The following DAPK3 variants were observed in gnomAD, a reference collection of about 807,000 sequenced individuals.
DAPK3 encodes the protein death-associated protein kinase 3.
A neutral mutation model predicts 30.6 loss-of-function variants in DAPK3; 24 were observed. The observed-to-expected ratio is 0.78, with a 90% CI of 0.57 to 1.10. The LOEUF is 1.10. Among genes scored for constraint, DAPK3 ranks in the 50% least tolerant of loss-of-function variants. The probability of loss-of-function intolerance (pLI) is 0.00; values close to 1 mark genes in which losing one functional copy is unlikely to be tolerated. For missense variants in DAPK3, 629 were observed against 657.3 expected (o/e 0.96, Z 0.47); for synonymous variants, 341 against 284.0 (o/e 1.20, Z -2.02).
Position 3,960,100 on chromosome 19 carries a change from TC to T in DAPK3, c.786del (p.Arg263GlufsTer2). ...IRRLLVKDPK[R>X]RMTIAQSLEH... ...TCCAGGCTCTGGGCAATGGTCATTC[TC>T]CGCCTGGAAGACCCCCGCTCTGGTT... is the stretch of plus-strand genomic sequence containing the variant. On this transcript the variant is annotated frameshift_variant, in exon 8 of 9. Coordinates refer to ENST00000545797, the MANE Select transcript of DAPK3 (RefSeq NM_001348.3). LOFTEE classifies it low-confidence loss of function (END_TRUNC). The T allele has an allele frequency of 6.4e-7, 1 of 1,554,122 alleles. No homozygotes were observed. The highest frequency in any genetic ancestry group is 8.9e-7 in the Non-Finnish European group (1 of 1,125,734).
intron 2 of DAPK3, among the ~76,000 whole-genome samples, chr19:3,965,655 T>TA (rs1253515658): frequency 3.5e-5 from 1 of 28,280 alleles, no homozygotes; most frequent in Non-Finnish European, 5.9e-5. Flanking sequence ...CCAGATCCGC[T>TA]TTTTTTGTTT....
At chr19:3,964,529 C>A (rs1192575611) in intron 3 of DAPK3, 102 bp downstream of exon 3, 23 of 1,361,202 alleles carry the variant, frequency 1.7e-5, no homozygotes, top group Non-Finnish European at 2.0e-5. Flanking sequence ...ACGCTCCCCA[C>A]ACCTCACCCC....
intron 7 of DAPK3, 36 bp downstream of exon 7, chr19:3,960,973 A>G: frequency 1.2e-6 from 2 of 1,607,786 alleles, no homozygotes; most frequent in South Asian, 2.2e-5. Flanking sequence ...CCTGTGTCCC[A>G]TGTCCCACCC....
intron 7 of DAPK3, among the ~76,000 whole-genome samples, chr19:3,960,783 CA>C (rs1187078505): frequency 7.4e-5 from 1 of 13,512 alleles, no homozygotes. Context: ...GACTCCGTCT[CA>C]AAAAAAAAGA....
At chr19:3,962,371 A>G (rs10426955) in intron 6 of DAPK3, among the ~76,000 whole-genome samples, 134,309 of 152,340 alleles carry the variant, frequency 0.88, 59,293 homozygotes, top group East Asian at 0.99. Flanking sequence ...CCGCTCACGC[A>G]CTACAGCGGG....
Position 3,959,657 on chromosome 19 carries a change from G to C in DAPK3, c.829-20C>G, listed in dbSNP as rs1474095712. On this transcript the variant is annotated intron_variant, in intron 8 of 8. Transcript: ENST00000545797. ...GATCGCCTAGGAAGGAGGGAAGCCT[G>C]AGCGGGGTCCCCGCGATGCCACCCA... 1.3e-6 allele frequency: 2 copies of C among 1,553,054 alleles called. No individual in the cohort carries two copies. The highest frequency in any genetic ancestry group is 2.7e-5 in the African/African-American group (2 of 74,248).
In DAPK3 at chr19:3,958,573, ACCGG is replaced by A. The variant is rs984651557; in HGVS notation, c.*524_*527del. On this transcript the variant is annotated 3_prime_UTR_variant, in exon 9 of 9. Transcript: ENST00000545797. ...CAGCAGGGCACCCCACACCCGGGGG[ACCGG>A]CCTCGGCGAGAAGGGCACACAGTGG... 15 of 453,758 alleles carry A rather than the reference ACCGG, an allele frequency of 3.3e-5. No homozygotes were observed. Among genetic ancestry groups the A allele is most frequent in the Middle Eastern group, 3.7e-4 (1 of 2,714 alleles). 28.1% of individuals were successfully genotyped at this position (453,758 alleles called of 1,614,324 possible).
Position 3,963,523 on chromosome 19 carries a change from G to A in DAPK3, c.629+120C>T, listed in dbSNP as rs2039540876. 5.0e-6 allele frequency: 3 copies of A among 595,184 alleles called. No individual in the cohort carries two copies. The African/African-American group carries it at 5.7e-5, about 11-fold the overall frequency. 36.9% of individuals were successfully genotyped at this position (595,184 alleles called of 1,614,324 possible). ...CTCATCCGTTCACCCGGTATCCCCT[G>A]AGTACCCGCGATGGGTCACAGCCAG... On this transcript the variant is annotated intron_variant, in intron 6 of 8. Transcript: ENST00000545797.
At position 3,965,035 on chromosome 19, in the gene DAPK3, G is replaced by A. The variant is rs2039563097; in HGVS notation, c.63-44C>T. On this transcript the variant is annotated intron_variant, in intron 2 of 8. Coordinates refer to ENST00000545797, the MANE Select transcript of DAPK3 (RefSeq NM_001348.3). ...GTGAGTGGGGGTGGAGGAGGCGGAG[G>A]GAGTAAGTGGGGGTGGCTGGCTCCC... 3 of 1,065,240 alleles carry A rather than the reference G, an allele frequency of 2.8e-6. No homozygotes were observed. In the East Asian group the frequency reaches 7.1e-5, roughly 25 times the overall value. The allele number at this position is 1,065,240 out of a possible 1,614,324, so 66.0% of individuals were successfully genotyped here.
At position 3,964,288 on chromosome 19, in the gene DAPK3, G is replaced by C; in HGVS notation, c.509C>G (p.Ala170Gly). The C allele has an allele frequency of 6.2e-7, 1 of 1,613,368 alleles. No individual in the cohort carries two copies. The highest frequency in any genetic ancestry group is 8.5e-7 in the Non-Finnish European group (1 of 1,179,372). The change falls in exon 4 of 9, where the codon GCG becomes GGG. Residue 170 changes from alanine (A) to glycine (G), a missense_variant. Ala to Gly is a moderately conservative substitution (Grantham distance 60, BLOSUM62 0). Around this residue, in one of 2 missense-constraint regions of DAPK3, gnomAD observed 306 missense variants for 378.5 expected, o/e 0.81. Coordinates refer to ENST00000545797, the MANE Select transcript of DAPK3 (RefSeq NM_001348.3). The part of the protein sequence containing the change: ...IDFGIAHKIE[A>G]GNEFKNIFGT... Reference sequence around the variant, plus strand: ...GAAGATGTTCTTGAACTCGTTCCCCGCCTCGATCTTGTGCGCGATGCCGAA... The same window carrying C: ...GAAGATGTTCTTGAACTCGTTCCCCCCCTCGATCTTGTGCGCGATGCCGAA...
At position 3,959,065 on chromosome 19, in the gene DAPK3, T is replaced by A. The variant is rs2039471413; in HGVS notation, c.*36A>T. On this transcript the variant is annotated 3_prime_UTR_variant, in exon 9 of 9. Transcript: ENST00000545797. ...GAAGCGCCCCCACCGCAGGCCGAGC[T>A]CCGGCTGTCCTGGGGCCTGGCCCAC... 1 of 1,384,806 alleles carries A rather than the reference T, an allele frequency of 7.2e-7. No homozygotes were observed. 85.8% of individuals were successfully genotyped at this position (1,384,806 alleles called of 1,614,324 possible).
intron 5 of DAPK3, 35 bp from the exon 6 acceptor site, chr19:3,963,704 G>A (rs368187010): frequency 5.4e-5 from 82 of 1,514,466 alleles, no homozygotes; most frequent in African/African-American, 1.4e-4. Flanking sequence ...TCAGCGCAGC[G>A]TGGGGCCGCC....
intron 8 of DAPK3, 25 bp downstream of exon 8, chr19:3,960,034 G>A: frequency 5.9e-6 from 8 of 1,350,862 alleles, no homozygotes; most frequent in African/African-American, 1.4e-5. Flanking sequence ...GGAAGCCCAG[G>A]GAGCTCCCCC....
chr19:3,969,641 C>T (rs368143359), intron 2 of DAPK3, 33 bp downstream of exon 2: 13 of 1,465,014 alleles, frequency 8.9e-6, no homozygotes, highest in Non-Finnish European at 1.1e-5. Flanking sequence ...CTCTCCTATC[C>T]CTGGAGCCCA....
At chr19:3,966,649 G>C (rs1166900406) in intron 2 of DAPK3, among the ~76,000 whole-genome samples, 1 of 152,202 alleles carries the variant, frequency 6.6e-6, no homozygotes, top group Non-Finnish European at 1.5e-5. Context: ...TGCTGGAGTG[G>C]ACTTCGGCCC....
intron 2 of DAPK3, among the ~76,000 whole-genome samples, chr19:3,966,245 G>C (rs569590877): frequency 6.6e-6 from 1 of 152,168 alleles, no homozygotes; most frequent in South Asian, 2.1e-4. Flanking sequence ...GCTGGGTACC[G>C]GGTTCCTGCG....
intron 2 of DAPK3, among the ~76,000 whole-genome samples, chr19:3,968,089 A>G (rs1418641446): frequency 6.6e-6 from 1 of 152,192 alleles, no homozygotes; most frequent in African/African-American, 2.4e-5. Flanking sequence ...TGGCCTCCCA[A>G]AGCGCTAGAA....
At chr19:3,969,151 A>T (rs552348944) in intron 2 of DAPK3, among the ~76,000 whole-genome samples, 50 of 150,648 alleles carry the variant, frequency 3.3e-4, no homozygotes, top group African/African-American at 9.7e-4. Context: ...TTTTTTTTTT[A>T]AATAAATGGG....
rs2039466487 is a variant in DAPK3, at chr19:3,958,639, GGGAC to G, written c.*458_*461del. ...AAGCCCGGCGCCACCCAGCAGCGTG[GGGAC>G]TGCCTGTCCGCCGTCCATCCCACCC... On this transcript the variant is annotated 3_prime_UTR_variant, in exon 9 of 9. Transcript: ENST00000545797. 1 of 394,008 alleles carries G rather than the reference GGGAC, an allele frequency of 2.5e-6. No homozygotes were observed. The highest frequency in any genetic ancestry group is 5.0e-6 in the Non-Finnish European group (1 of 198,076). The allele number at this position is 394,008 out of a possible 1,614,324, so 24.4% of individuals were successfully genotyped here. A position where few individuals can be genotyped will look rare whatever the true frequency, so the allele number is the denominator to read the frequency against.
Sources: gnomAD v4.1 joint callset for allele counts (sites outside exome capture counted in the v4.1 genomes callset) on GRCh38, gnomAD v4.1.1 for gene constraint, gnomAD v4.1.1 regional missense constraint, MANE v1.5 for transcripts, NCBI Gene and HGNC (gene_info 2026-07-23, HGNC 2026-07-21) for gene names.